Variants in FABP7 observed in about 807,000 individuals in gnomAD.
FABP7 encodes fatty acid binding protein 7.
Under a neutral mutation model 14.2 loss-of-function variants are expected in FABP7, and 13 were observed. The observed-to-expected ratio is 0.91, with a 90% CI of 0.59 to 1.45. FABP7 has a LOEUF of 1.45. Among genes scored for constraint, FABP7 ranks in the 40% most tolerant of loss-of-function variants. The pLI, the probability that FABP7 is intolerant of heterozygous loss-of-function variation, is 0.00. For missense variants in FABP7, 149 were observed against 157.6 expected (o/e 0.95, Z 0.29); for synonymous variants, 49 against 51.4 (o/e 0.95, Z 0.20).
chr6:122,778,448 AGCCTTCTCTGTT>A (rs1780711053), upstream of FABP7, among the ~76,000 whole-genome samples: 1 of 152,136 alleles, frequency 6.6e-6, no homozygotes, highest in Admixed American at 6.5e-5. Flanking sequence ...AGGCCTTCTG[AGCCTTCTCTGTT>A]GGATCTGGTG....
chr6:122,753,784 G>GCACCCCCC, the FABP7 span, among the ~76,000 whole-genome samples: 1 of 35,540 alleles, frequency 2.8e-5, no homozygotes, highest in Non-Finnish European at 5.5e-5. Context: ...TCCAAATCCC[G>GCACCCCCC]CCCCCCCCCC....
At chr6:122,782,440 C>A in intron 3 of FABP7, 1 of 801,520 alleles carries the variant, frequency 1.2e-6, no homozygotes, top group Non-Finnish European at 1.5e-6. Flanking sequence ...ATTTCTGACT[C>A]CATCTTTACA....
the FABP7 span, among the ~76,000 whole-genome samples, chr6:122,762,715 G>T: frequency 6.6e-6 from 1 of 152,132 alleles, no homozygotes; most frequent in African/African-American, 2.4e-5. Flanking sequence ...AAATCAATGT[G>T]CAAAAATCAC....
chr6:122,770,939 G>A, the FABP7 span, among the ~76,000 whole-genome samples: 1 of 152,292 alleles, frequency 6.6e-6, no homozygotes, highest in East Asian at 1.9e-4. Context: ...CTTGATTTAG[G>A]TTTTGCCTAT....
At chr6:122,781,513 A>C in intron 3 of FABP7, 2 of 1,335,582 alleles carry the variant, frequency 1.5e-6, no homozygotes, top group Non-Finnish European at 1.9e-6. Flanking sequence ...GATGTCTCTC[A>C]AATAAAATTT....
intron 2 of FABP7, among the ~76,000 whole-genome samples, chr6:122,780,769 T>G (rs754005680): frequency 6.6e-6 from 1 of 152,228 alleles, no homozygotes; most frequent in Non-Finnish European, 1.5e-5. Context: ...TTTGTTTAAT[T>G]CCCCAGGTTG....
At chr6:122,767,755 G>GAAAAAAAAA in the FABP7 span, among the ~76,000 whole-genome samples, 1 of 116,352 alleles carries the variant, frequency 8.6e-6, no homozygotes. Context: ...CCACTAAAAG[G>GAAAAAAAAA]AAAAAAAAAA....
chr6:122,783,078 A>C, intron 3 of FABP7: 1 of 985,426 alleles, frequency 1.0e-6, no homozygotes, highest in Non-Finnish European at 1.2e-6. Flanking sequence ...AATACATGAA[A>C]ACCATGAGCA....
At chr6:122,759,577 G>A in the FABP7 span, among the ~76,000 whole-genome samples, 1 of 152,124 alleles carries the variant, frequency 6.6e-6, no homozygotes, top group African/African-American at 2.4e-5. Flanking sequence ...CACTTTATTT[G>A]TAGTAACTCA....
intron 3 of FABP7, chr6:122,781,910 T>C (rs1011025359): frequency 2.4e-6 from 1 of 424,460 alleles, no homozygotes; most frequent in African/African-American, 2.2e-5. Flanking sequence ...GCCGGGCTAA[T>C]TTTTTTGTAT....
At chr6:122,779,990 C>A in intron 1 of FABP7, 123 bp downstream of exon 1, 1 of 941,038 alleles carries the variant, frequency 1.1e-6, no homozygotes, top group Non-Finnish European at 1.7e-6. Context: ...TGATCAGATG[C>A]TAGGCTATGC....
chr6:122,780,450 A>G lies in FABP7; in HGVS notation c.233A>G (p.Asp78Gly), dbSNP rs766654898. ...GAGTTTGATGAAACCACTGCAGATG[A>G]TAGAAACTGTAAGGTGAGAAACTGC... is the stretch of plus-strand genomic sequence containing the variant. The part of the protein sequence containing the change: ...GEEFDETTAD[D>G]RNCKSVVSLD... The change falls in exon 2 of 4, where the codon GAT becomes GGT. Residue 78 changes from aspartate to glycine, a missense_variant. Transcript: ENST00000368444. The G allele has an allele frequency of 6.2e-7, 1 of 1,612,306 alleles. No individual in the cohort carries two copies. The highest frequency in any genetic ancestry group is 2.2e-5 in the East Asian group (1 of 44,850).
chr6:122,776,809 T>C (rs1188270799), upstream of FABP7, among the ~76,000 whole-genome samples: 3 of 152,214 alleles, frequency 2.0e-5, no homozygotes, highest in Non-Finnish European at 4.4e-5. Flanking sequence ...TATGTATCCA[T>C]ACATGATTAA....
At chr6:122,774,159 C>T in the FABP7 span, among the ~76,000 whole-genome samples, 1 of 151,800 alleles carries the variant, frequency 6.6e-6, no homozygotes, top group African/African-American at 2.4e-5. Context: ...GTCAGGGGTT[C>T]GAGACCAGCC....
At chr6:122,754,978 C>G in the FABP7 span, among the ~76,000 whole-genome samples, 1 of 151,376 alleles carries the variant, frequency 6.6e-6, no homozygotes, top group African/African-American at 2.4e-5. Context: ...CTAACTGTAC[C>G]ACTCCCAGAT....
chr6:122,781,121 T>G lies in FABP7; in HGVS notation c.275T>G (p.Leu92Arg), dbSNP rs1780771442. 1 of 1,613,812 alleles carries G rather than the reference T, an allele frequency of 6.2e-7. No homozygotes were observed. Among genetic ancestry groups the G allele is most frequent in the South Asian group, 1.1e-5 (1 of 91,068 alleles). Residue 92 changes from leucine to arginine, a missense_variant, in exon 3 of 4, where the codon CTT (leucine) becomes CGT (arginine). Physicochemically the swap from Leu to Arg is moderately radical, Grantham distance 102. Coordinates refer to ENST00000368444, the MANE Select transcript of FABP7 (RefSeq NM_001446.5). ...GTTGTTAGCCTGGATGGAGACAAAC[T>G]TGTTCACATACAGAAATGGGATGGC... ...KSVVSLDGDK[L>R]VHIQKWDGKE...
At chr6:122,759,836 TACAGGCCGGGC>T in the FABP7 span, among the ~76,000 whole-genome samples, 1 of 152,118 alleles carries the variant, frequency 6.6e-6, no homozygotes, top group Non-Finnish European at 1.5e-5. Context: ...AGATATAATT[TACAGGCCGGGC>T]ACAGTGGCTC....
chr6:122,779,077 A>C (rs1261851996), upstream of FABP7, among the ~76,000 whole-genome samples: 4 of 152,130 alleles, frequency 2.6e-5, no homozygotes, highest in Non-Finnish European at 5.9e-5. Flanking sequence ...TTGTGTTGGG[A>C]AAGGACCCAA....
At chr6:122,769,985 C>T in the FABP7 span, among the ~76,000 whole-genome samples, 26 of 152,072 alleles carry the variant, frequency 1.7e-4, no homozygotes, top group South Asian at 2.5e-3. Context: ...TTCAATGGCC[C>T]GCTTGTAATT....
Sources: allele counts gnomAD v4.1 joint callset (sites outside exome capture counted in the v4.1 genomes callset), GRCh38; gene constraint gnomAD v4.1.1; transcripts MANE v1.5; gene names NCBI Gene and HGNC (gene_info 2026-07-23, HGNC 2026-07-21).